Variants in PPFIA3 observed in about 807,000 individuals in gnomAD.
The protein encoded by PPFIA3 is PPFI scaffold protein A3.
Under a neutral mutation model 145.8 loss-of-function variants are expected in PPFIA3, and 26 were observed. The observed-to-expected ratio is 0.18, with a 90% confidence interval of 0.13 to 0.25. The LOEUF is 0.25. PPFIA3 is among the 10% of genes least tolerant of loss of function. The pLI is 1.00. For synonymous variants in PPFIA3, 645 were observed against 661.4 expected (o/e 0.98, Z 0.38); for missense variants, 1,008 against 1,587.8 (o/e 0.63, Z 6.21).
At chr19:49,142,729 C>T in intron 20 of PPFIA3, 75 bp from the exon 21 acceptor site, 1 of 1,363,638 alleles carries the variant, frequency 7.3e-7, no homozygotes. Context: ...TCCCCACCTC[C>T]CTGTTCCCCC....
chr19:49,128,017 G>A lies in PPFIA3; in HGVS notation c.144G>A (p.Glu48=), dbSNP rs369814068. ...ERERLLETLR[E]AQDGLATAQL... ...AGCGCCTGCTGGAGACGCTGCGCGA[G>A]GCACAGGACGGGTTGGCTACAGCGC... Residue 48 remains glutamate (E), a synonymous_variant, in exon 2 of 30, where the codon GAG becomes GAA. Transcript: ENST00000334186. This position sits in a 1 kb window ranked among gnomAD's most constrained non-coding sequence, Gnocchi z 4.1. 17 of 1,596,466 alleles carry A rather than the reference G, an allele frequency of 1.1e-5. No individual in the cohort carries two copies. In the African/African-American group the frequency reaches 1.3e-4, roughly 13 times the overall value.
chr19:49,134,871 G>T lies in PPFIA3; in HGVS notation c.1476G>T (p.Met492Ile). The T allele has an allele frequency of 6.3e-7, 1 of 1,592,962 alleles. No homozygotes were observed. Among genetic ancestry groups the T allele is most frequent in the Non-Finnish European group, 8.6e-7 (1 of 1,167,538 alleles). Reference sequence around the variant, plus strand: ...TGGCCGAAATGGAGCGGATGCAGATGGAGATCGACCAGCTGCGGGGGAGGC... The same window carrying T: ...TGGCCGAAATGGAGCGGATGCAGATTGAGATCGACCAGCTGCGGGGGAGGC... ...QLLAEMERMQ[M>I]EIDQLRGRPP... Residue 492 changes from methionine (M) to isoleucine (I), a missense_variant, in exon 13 of 30, where the codon ATG (methionine) becomes ATT (isoleucine). By Grantham distance (10) the Met-to-Ile change is conservative (BLOSUM62 1). Around this residue, in one of 11 missense-constraint regions of PPFIA3, gnomAD observed 121 missense variants for 138.2 expected, o/e 0.88. Transcript: ENST00000334186.
chr19:49,145,730 A>C (rs973181147), intron 21 of PPFIA3: 1 of 589,904 alleles, frequency 1.7e-6, no homozygotes, highest in Non-Finnish European at 3.1e-6. Flanking sequence ...CAGGGTCCCA[A>C]TTCCAACCTG....
Position 49,139,672 on chromosome 19 carries a change from A to C in PPFIA3, c.2081A>C (p.His694Pro). ...PAREGTDKAN[H>P]VPKEEAGAPR... is the part of the protein sequence containing the mutation. ...ATCTGTGCCCTCTGTCCTCAGAATC[A>C]TGTCCCTAAGGAGGAAGCTGGAGCT... Residue 694 changes from histidine (H) to proline (P), a missense_variant, in exon 17 of 30, where the codon CAT becomes CCT. His to Pro is a moderately conservative substitution (Grantham distance 77). This residue lies in a region of PPFIA3 where 202 missense variants were observed against 241.8 expected (regional missense o/e 0.84). Coordinates refer to ENST00000334186, the MANE Select transcript of PPFIA3 (RefSeq NM_003660.4). 1.3e-6 allele frequency: 2 copies of C among 1,590,348 alleles called. No homozygotes were observed. Among genetic ancestry groups the C allele is most frequent in the Non-Finnish European group, 8.6e-7 (1 of 1,168,850 alleles).
intron 13 of PPFIA3, 152 bp from the exon 14 acceptor site, chr19:49,135,627 C>G: frequency 1.3e-6 from 1 of 771,366 alleles, no homozygotes; most frequent in Non-Finnish European, 2.0e-6. Flanking sequence ...ACCTCAGCCT[C>G]CCAAAGTGCT....
At position 49,127,905 on chromosome 19, in the gene PPFIA3, A is replaced by G; in HGVS notation, c.32A>G (p.Glu11Gly). 6.3e-7 allele frequency: 1 copy of G among 1,593,030 alleles called. No individual in the cohort carries two copies. ...TGCGAGGTGATGCCCACCATCAGCG[A>G]GGATGGCCGGCGGGGCTCGGCGCTG... MMCEVMPTISEDGRRGSALGP... is the reference protein window; with the variant it reads MMCEVMPTISGDGRRGSALGP... The change falls in exon 2 of 30, where the codon GAG (glutamate) becomes GGG (glycine). Residue 11 changes from glutamate to glycine, a missense_variant. Around this residue, in one of 11 missense-constraint regions of PPFIA3, gnomAD observed 108 missense variants for 144.3 expected, o/e 0.75. Transcript: ENST00000334186.
At chr19:49,127,317 G>A (rs1455035489) in intron 1 of PPFIA3, among the ~76,000 whole-genome samples, 1 of 149,336 alleles carries the variant, frequency 6.7e-6, no homozygotes, top group African/African-American at 2.5e-5. Flanking sequence ...GGACCCGGGA[G>A]GTGGAGGCTG....
chr19:49,148,830 G>T, intron 25 of PPFIA3, 67 bp downstream of exon 25: 1 of 1,546,304 alleles, frequency 6.5e-7, no homozygotes, highest in Non-Finnish European at 8.9e-7. Flanking sequence ...GGGAGGAGAG[G>T]GGGTAGGGGG....
chr19:49,124,680 G>A (rs1402416384), intron 1 of PPFIA3, among the ~76,000 whole-genome samples: 1 of 152,168 alleles, frequency 6.6e-6, no homozygotes, highest in Non-Finnish European at 1.5e-5. Flanking sequence ...GCCTTGCTGT[G>A]TTTTTTATTT....
chr19:49,136,671 G>A (rs1600338788), intron 14 of PPFIA3, 53 bp from the exon 15 acceptor site: 7 of 1,307,486 alleles, frequency 5.4e-6, no homozygotes, highest in Admixed American at 3.1e-5. Flanking sequence ...AAGACCCAGC[G>A]CCAACCTCGG....
At chr19:49,139,572 T>C in intron 16 of PPFIA3, 96 bp from the exon 17 acceptor site, 1 of 1,317,650 alleles carries the variant, frequency 7.6e-7, no homozygotes, top group South Asian at 1.7e-5. Context: ...TAAACCAGGG[T>C]CACCCCACAC....
Position 49,149,436 on chromosome 19 carries a change from G to T in PPFIA3, c.3354+111G>T. The stretch of plus-strand genomic sequence containing the variant: ...GTCACGGTTGGAGGCGGGGCCAGGA[G>T]AGGGGCGGGGTTAAAGGAGAGGTGA... On this transcript the variant is annotated intron_variant, in intron 27 of 29. Coordinates refer to ENST00000334186, the MANE Select transcript of PPFIA3 (RefSeq NM_003660.4). The surrounding 1 kb of genome is among the most constrained non-coding windows in gnomAD (Gnocchi z 5.7). 6.3e-7 allele frequency: 1 copy of T among 1,584,206 alleles called. No individual in the cohort carries two copies. Among genetic ancestry groups the T allele is most frequent in the South Asian group, 1.1e-5 (1 of 90,068 alleles).
chr19:49,147,480 G>A (rs1217683127), intron 23 of PPFIA3, among the ~76,000 whole-genome samples: 1 of 152,092 alleles, frequency 6.6e-6, no homozygotes, highest in Non-Finnish European at 1.5e-5. Flanking sequence ...GAGGTCAGGA[G>A]TTTGAGACCA....
rs1357470888 is a variant in PPFIA3 at position 49,150,546 on chromosome 19, G to GGGGGC, written c.*330_*334dup. On this transcript the variant is annotated 3_prime_UTR_variant, in exon 30 of 30. Coordinates refer to ENST00000334186, the MANE Select transcript of PPFIA3 (RefSeq NM_003660.4). ...GACGGGTGTCCTTTACCCGCGGGAA[G>GGGGGC]GGGGCGGGGCTTCCCTCCCGGGCCG... 5 of 160,010 alleles carry GGGGGC rather than the reference G, an allele frequency of 3.1e-5. No individual in the cohort carries two copies. The East Asian group carries it at 7.3e-4, about 23-fold the overall frequency. The allele number at this position is 160,010 out of a possible 1,614,324, so 9.9% of individuals were successfully genotyped here. A position where few individuals can be genotyped will look rare whatever the true frequency, so the allele number is the denominator to read the frequency against.
intron 23 of PPFIA3, among the ~76,000 whole-genome samples, chr19:49,147,862 C>G (rs1439474979): frequency 6.6e-6 from 1 of 152,234 alleles, no homozygotes. Context: ...TGGTGACGCT[C>G]TAGGTCTCAG....
chr19:49,139,913 G>A (rs777837624), intron 17 of PPFIA3, 48 bp from the exon 18 acceptor site: 2 of 1,613,520 alleles, frequency 1.2e-6, no homozygotes, highest in Admixed American at 1.7e-5. Context: ...TGGGAGGAGA[G>A]GGGGCATCTC....
chr19:49,148,673 C>A lies in PPFIA3; in HGVS notation c.3019C>A (p.Leu1007Ile). ...ACTTCCCCTGCTGCTCAGGGTGAGT[C>A]TACATTATGGGATTATGTGCCTGAA... ...KMVDSFHRVS[L>I]HYGIMCLKRL... The change falls in exon 25 of 30, where the codon CTA becomes ATA. Residue 1007 changes from leucine to isoleucine, a missense_variant. Physicochemically the swap from Leu to Ile is conservative, Grantham distance 5 (BLOSUM62 2). This residue lies in a region of PPFIA3 where 154 missense variants were observed against 369.2 expected (regional missense o/e 0.42). Transcript: ENST00000334186. 1 of 1,613,138 alleles carries A rather than the reference C, an allele frequency of 6.2e-7. No individual in the cohort carries two copies. The highest frequency in any genetic ancestry group is 1.1e-5 in the South Asian group (1 of 91,012).
chr19:49,130,185 TCA>T lies in PPFIA3; in HGVS notation c.657+121_657+122del. On this transcript the variant is annotated intron_variant, in intron 6 of 29. Transcript: ENST00000334186. This position sits in a 1 kb window ranked among gnomAD's most constrained non-coding sequence, Gnocchi z 4.5. Reference sequence around the variant, plus strand: ...TAAGACGGCTGCACCTGTAAGAGTGTCACAGAGCTTGGACCTCTGATTCAGGT... The same window carrying T: ...TAAGACGGCTGCACCTGTAAGAGTGTCAGAGCTTGGACCTCTGATTCAGGT... The T allele has an allele frequency of 8.1e-7, 1 of 1,228,700 alleles. No homozygotes were observed. Among genetic ancestry groups the T allele is most frequent in the Non-Finnish European group, 1.1e-6 (1 of 889,398 alleles). 76.1% of individuals were successfully genotyped at this position (1,228,700 alleles called of 1,614,324 possible).
intron 7 of PPFIA3, among the ~76,000 whole-genome samples, chr19:49,132,009 C>CAAAAAA (rs34793375): frequency 1.4e-5 from 1 of 69,886 alleles, no homozygotes; most frequent in South Asian, 5.2e-4. Flanking sequence ...GACTCCGTCT[C>CAAAAAA]AAAAAAAAAA....
Sources: gnomAD v4.1 joint callset for allele counts (sites outside exome capture counted in the v4.1 genomes callset) on GRCh38, gnomAD v4.1.1 for gene constraint, gnomAD v4.1.1 regional missense constraint, Gnocchi (gnomAD v3.1) non-coding constraint, MANE v1.5 for transcripts, NCBI Gene and HGNC (gene_info 2026-07-23, HGNC 2026-07-21) for gene names.